The following PAG1 variants were observed in gnomAD, a reference collection of about 807,000 sequenced individuals.
PAG1 encodes phosphoprotein associated with glycosphingolipid-enriched microdomains 1.
Under a neutral mutation model 31.7 loss-of-function variants are expected in PAG1, and 23 were observed. The ratio of observed to expected loss-of-function variants is 0.73; its 90% CI spans 0.52 to 1.03. The LOEUF is 1.03. Among genes scored for constraint, PAG1 ranks in the 50% least tolerant of loss-of-function variants. The pLI, the probability that PAG1 is intolerant of heterozygous loss-of-function variation, is 0.00. For missense variants in PAG1, 473 were observed against 540.7 expected (o/e 0.87, Z 1.24); for synonymous variants, 214 against 210.3 (o/e 1.02, Z -0.15).
At chr8:80,978,247 T>A (rs1331817560) in intron 8 of PAG1, among the ~76,000 whole-genome samples, 1 of 152,176 alleles carries the variant, frequency 6.6e-6, no homozygotes, top group Non-Finnish European at 1.5e-5. Flanking sequence ...GATCTGACTA[T>A]CCTAATGAAT....
intron 1 of PAG1, among the ~76,000 whole-genome samples, chr8:81,109,485 G>A (rs1272519904): frequency 6.6e-6 from 1 of 152,198 alleles, no homozygotes; most frequent in Non-Finnish European, 1.5e-5. Flanking sequence ...GGGGAATTGA[G>A]CAAGACAGTG....
chr8:81,042,066 T>A (rs1357439614), intron 2 of PAG1, among the ~76,000 whole-genome samples: 2 of 152,362 alleles, frequency 1.3e-5, no homozygotes, highest in Non-Finnish European at 1.5e-5. Flanking sequence ...TATACTTTGC[T>A]AACTTCTGTG....
intron 2 of PAG1, among the ~76,000 whole-genome samples, chr8:81,056,865 A>T (rs1808831745): frequency 6.6e-6 from 1 of 152,228 alleles, no homozygotes; most frequent in African/African-American, 2.4e-5. Flanking sequence ...ACTCAAAGAA[A>T]TTTACAAGAA....
At chr8:80,994,811 G>A (rs563431499) in intron 3 of PAG1, among the ~76,000 whole-genome samples, 1 of 152,296 alleles carries the variant, frequency 6.6e-6, no homozygotes, top group East Asian at 1.9e-4. Flanking sequence ...AAGAATATTT[G>A]CTTTGCTCAA....
intron 1 of PAG1, among the ~76,000 whole-genome samples, chr8:81,092,865 A>C (rs985348178): frequency 6.6e-6 from 1 of 152,180 alleles, no homozygotes. Flanking sequence ...ATTATATGAG[A>C]ATTGACAGAG....
At chr8:81,049,633 A>C (rs1244112291) in intron 2 of PAG1, among the ~76,000 whole-genome samples, 1 of 152,242 alleles carries the variant, frequency 6.6e-6, no homozygotes, top group Non-Finnish European at 1.5e-5. Flanking sequence ...AATACTAACA[A>C]ACACTGGGCA....
intron 3 of PAG1, among the ~76,000 whole-genome samples, chr8:81,014,232 C>T (rs561791360): frequency 1.3e-5 from 2 of 152,310 alleles, no homozygotes; most frequent in East Asian, 3.9e-4. Context: ...AACTGCTTTC[C>T]TTGCCAACAC....
chr8:81,105,839 T>G (rs1386568824), intron 1 of PAG1, among the ~76,000 whole-genome samples: 1 of 152,198 alleles, frequency 6.6e-6, no homozygotes, highest in Non-Finnish European at 1.5e-5. Flanking sequence ...CATAAAAGCT[T>G]ACATATGCAA....
intron 3 of PAG1, among the ~76,000 whole-genome samples, chr8:81,009,478 C>G (rs1807942867): frequency 6.6e-6 from 1 of 152,056 alleles, no homozygotes; most frequent in Non-Finnish European, 1.5e-5. Context: ...GCTCTGATCT[C>G]TAAAAAAAAT....
intron 1 of PAG1, among the ~76,000 whole-genome samples, chr8:81,104,143 C>G (rs1354607787): frequency 6.6e-6 from 1 of 152,188 alleles, no homozygotes; most frequent in African/African-American, 2.4e-5. Flanking sequence ...ACCGGAAACT[C>G]TAGGAGTAAA....
intron 2 of PAG1, among the ~76,000 whole-genome samples, chr8:81,056,130 C>A (rs1185579248): frequency 1.3e-5 from 2 of 152,020 alleles, no homozygotes; most frequent in African/African-American, 4.8e-5. Context: ...GAAATATGTC[C>A]CATCAATACC....
chr8:81,003,637 C>T lies in PAG1; in HGVS notation c.-80-10330G>A, dbSNP rs776142676. Reference sequence around the variant, plus strand: ...TGTGTGGCCTGAAGCGAGTCCAAGCCGCCCCATGCCTCAGTTTCCCCTTCT... The same window carrying T: ...TGTGTGGCCTGAAGCGAGTCCAAGCTGCCCCATGCCTCAGTTTCCCCTTCT... On this transcript the variant is annotated intron_variant, in intron 3 of 8. Transcript: ENST00000220597. Among the ~76,000 whole-genome samples the T allele has an allele frequency of 5.9e-5, 9 of 152,100 alleles. No homozygotes were observed. The South Asian group carries it at 6.2e-4, about 11-fold the overall frequency.
In PAG1 at chr8:81,021,383, A is replaced by G. The variant is rs148227725; in HGVS notation, c.-81+8613T>C. 9.6e-3 allele frequency among the ~76,000 whole-genome samples: 1,455 copies of G among 151,258 alleles called. 20 individuals are homozygous for G. The highest frequency in any genetic ancestry group is 0.033 in the African/African-American group (1,360 of 41,068). The stretch of plus-strand genomic sequence containing the variant: ...TTACAATTAATGGACCAATATCGGT[A>G]CATTATTATTATTATTTGGATTTCC... On this transcript the variant is annotated intron_variant, in intron 3 of 8. Transcript: ENST00000220597.
chr8:81,074,293 G>A (rs768906769), intron 1 of PAG1, among the ~76,000 whole-genome samples: 46 of 152,284 alleles, frequency 3.0e-4, no homozygotes, highest in Admixed American at 4.6e-4. Context: ...GCTGTGTTAC[G>A]CAGGGTTGGG....
intron 1 of PAG1, among the ~76,000 whole-genome samples, chr8:81,104,200 G>A (rs775451151): frequency 6.3e-4 from 95 of 151,318 alleles, no homozygotes; most frequent in Non-Finnish European, 1.1e-3. Context: ...AGTCAGACCT[G>A]TCCCTTTGCT....
chr8:81,070,708 T>G (rs1168200557), intron 1 of PAG1, among the ~76,000 whole-genome samples: 1 of 152,114 alleles, frequency 6.6e-6, no homozygotes, highest in Non-Finnish European at 1.5e-5. Context: ...AATTGTTATA[T>G]TTAGCTATAT....
Position 80,972,305 on chromosome 8 carries a change from T to A in PAG1, c.*4239A>T, listed in dbSNP as rs918588565. The A allele has an allele frequency of 1.3e-5, 2 of 152,182 alleles. No homozygotes were observed. The highest frequency in any genetic ancestry group is 2.9e-5 in the Non-Finnish European group (2 of 68,018). The allele number at this position is 152,182 out of a possible 1,614,324, so 9.4% of individuals were successfully genotyped here. On this transcript the variant is annotated 3_prime_UTR_variant, in exon 9 of 9. Transcript: ENST00000220597. ...AGGAGAATGGCATCACAAGATTGCA[T>A]GGACTCATATTAACTATTACAAGGG... is the stretch of plus-strand genomic sequence containing the variant.
intron 5 of PAG1, among the ~76,000 whole-genome samples, chr8:80,989,570 T>C (rs747478486): frequency 3.3e-5 from 5 of 152,108 alleles, no homozygotes; most frequent in Non-Finnish European, 7.3e-5. Context: ...TCCATATAAA[T>C]GAGGCTATGG....
At chr8:81,053,648 G>A (rs1427505016) in intron 2 of PAG1, among the ~76,000 whole-genome samples, 1 of 152,188 alleles carries the variant, frequency 6.6e-6, no homozygotes, top group Non-Finnish European at 1.5e-5. Context: ...AAGACATCAG[G>A]CATGAGCAAT....
Sources: gnomAD v4.1 joint callset for allele counts (sites outside exome capture counted in the v4.1 genomes callset) on GRCh38, gnomAD v4.1.1 for gene constraint, MANE v1.5 for transcripts, NCBI Gene and HGNC (gene_info 2026-07-23, HGNC 2026-07-21) for gene names.